Variants in FHIP2A observed in about 807,000 individuals in gnomAD.
FHIP2A encodes the protein family with sequence similarity 160 member B1.
Under a neutral mutation model 93.5 loss-of-function variants are expected in FHIP2A, and 46 were observed. The observed-to-expected ratio is 0.49, with a 90% CI of 0.39 to 0.63. The LOEUF (loss-of-function observed/expected upper bound fraction) is 0.63, where lower values mean the gene tolerates loss of function less well. Ranked by LOEUF, FHIP2A falls within the 20% of genes least tolerant of loss-of-function variation. The probability of loss-of-function intolerance (pLI) is 0.00; values close to 1 mark genes in which losing one functional copy is unlikely to be tolerated. For missense variants in FHIP2A, 769 were observed against 909.7 expected (o/e 0.85, Z 1.99); for synonymous variants, 332 against 326.5 (o/e 1.02, Z -0.18).
chr10:114,842,256 G>T (rs952447862), intron 5 of FHIP2A, among the ~76,000 whole-genome samples: 1 of 152,002 alleles, frequency 6.6e-6, no homozygotes, highest in African/African-American at 2.4e-5. Flanking sequence ...GTAGAGACAT[G>T]ATCTCACTAT....
Position 114,830,856 on chromosome 10 carries a change from C to T in FHIP2A, c.50C>T (p.Ala17Val), listed in dbSNP as rs773516046. The T allele has an allele frequency of 6.2e-7, 1 of 1,605,728 alleles. No individual in the cohort carries two copies. Among genetic ancestry groups the T allele is most frequent in the East Asian group, 2.2e-5 (1 of 44,622 alleles). The part of the protein sequence containing the change: ...SILQHAVEAL[A>V]PSLPLQEDFV... Reference sequence around the variant, plus strand: ...TGTGGTCTTTTGTTTGTGTAGCTTGCACCTTCTCTTCCTTTACAAGAAGAT... The same window carrying T: ...TGTGGTCTTTTGTTTGTGTAGCTTGTACCTTCTCTTCCTTTACAAGAAGAT... Residue 17 changes from alanine to valine, a missense_variant, in exon 2 of 17, where the codon GCA becomes GTA. Ala to Val is a moderately conservative substitution (Grantham distance 64). Coordinates refer to ENST00000369248, the MANE Select transcript of FHIP2A (RefSeq NM_020940.4).
rs2083699006 is a variant in FHIP2A at position 114,846,074 on chromosome 10, C to T, written c.1190C>T (p.Pro397Leu). The T allele has an allele frequency of 1.2e-6, 2 of 1,613,628 alleles. No individual in the cohort carries two copies. Among genetic ancestry groups the T allele is most frequent in the African/African-American group, 2.7e-5 (2 of 74,818 alleles). The change falls in exon 9 of 17, where the codon CCT (proline) becomes CTT (leucine). Residue 397 changes from proline (P) to leucine (L), a missense_variant. Coordinates refer to ENST00000369248, the MANE Select transcript of FHIP2A (RefSeq NM_020940.4). Reference sequence around the variant, plus strand: ...AGATTTTTCATTGGTGTTATGGAACCTCAATTAATGCAAACGTGAGTAGCC... The same window carrying T: ...AGATTTTTCATTGGTGTTATGGAACTTCAATTAATGCAAACGTGAGTAGCC... ...HERFFIGVMEPQLMQTSEMGI... is the reference protein window; with the variant it reads ...HERFFIGVMELQLMQTSEMGI...
chr10:114,865,807 C>CAAA (rs59793424), downstream of FHIP2A, among the ~76,000 whole-genome samples: 6 of 141,512 alleles, frequency 4.2e-5, no homozygotes, highest in African/African-American at 1.3e-4. Context: ...TACCTCTTTT[C>CAAA]AAAAAAAAAA....
At chr10:114,849,454 G>A (rs975636188) in intron 13 of FHIP2A, among the ~76,000 whole-genome samples, 3 of 152,108 alleles carry the variant, frequency 2.0e-5, no homozygotes, top group East Asian at 1.9e-4. Context: ...CTTCAGCCCC[G>A]GAATTTCACC....
chr10:114,875,710 A>AAC, intron 16 of FHIP2A, among the ~76,000 whole-genome samples: 2 of 149,708 alleles, frequency 1.3e-5, no homozygotes, highest in African/African-American at 5.1e-5. Flanking sequence ...AAAAGAAAGA[A>AAC]AGAGAGAGAA....
intron 16 of FHIP2A, among the ~76,000 whole-genome samples, chr10:114,891,535 A>ATGTGTGTG (rs1342933567): frequency 6.3e-5 from 8 of 126,438 alleles, no homozygotes; most frequent in African/African-American, 2.4e-4. Context: ...ATATATATAT[A>ATGTGTGTG]TATGTGTGTG....
In FHIP2A at chr10:114,864,233, G is replaced by C; in HGVS notation, c.*2693G>C. The stretch of plus-strand genomic sequence containing the variant: ...TATGGAATTACTTCATAAATTCATG[G>C]TAATGTTTTCATAAATTATTGCATT... On this transcript the variant is annotated 3_prime_UTR_variant, in exon 17 of 17. Coordinates refer to ENST00000369248, the MANE Select transcript of FHIP2A (RefSeq NM_020940.4). 6.1e-6 allele frequency: 6 copies of C among 983,660 alleles called. No homozygotes were observed. Among genetic ancestry groups the C allele is most frequent in the Non-Finnish European group, 7.2e-6 (6 of 828,024 alleles). 60.9% of individuals were successfully genotyped at this position (983,660 alleles called of 1,614,324 possible).
In FHIP2A at chr10:114,862,209, C is replaced by A; in HGVS notation, c.*669C>A. ...TTCTTTTACTCTTTTGTGCACATAG[C>A]CATGTTAGTGATTTTCTTCATGTGT... On this transcript the variant is annotated 3_prime_UTR_variant, in exon 17 of 17. Transcript: ENST00000369248. 1 of 968,222 alleles carries A rather than the reference C, an allele frequency of 1.0e-6. No homozygotes were observed. Among genetic ancestry groups the A allele is most frequent in the Non-Finnish European group, 1.2e-6 (1 of 814,128 alleles). 60.0% of individuals were successfully genotyped at this position (968,222 alleles called of 1,614,324 possible).
chr10:114,845,959 A>T, intron 8 of FHIP2A, 54 bp from the exon 9 acceptor site: 1 of 1,361,664 alleles, frequency 7.3e-7, no homozygotes, highest in South Asian at 1.3e-5. Context: ...TGATGTTACA[A>T]ATTAGTCTTT....
Position 114,860,883 on chromosome 10 carries a change from T to C in FHIP2A, c.2082T>C (p.Ile694=), listed in dbSNP as rs765333306. 7.4e-6 allele frequency: 12 copies of C among 1,613,530 alleles called. No individual in the cohort carries two copies. In the Admixed American group the frequency reaches 1.8e-4, roughly 25 times the overall value. The change falls in exon 15 of 17, where the codon ATT becomes ATC. Residue 694 remains isoleucine, a synonymous_variant. Coordinates refer to ENST00000369248, the MANE Select transcript of FHIP2A (RefSeq NM_020940.4). ...APGCRSLFSV[I]VRVVGDLMLR... is the part of the protein sequence containing the mutation. ...GCTGTAGATCTCTCTTCTCTGTAAT[T>C]GTCAGGGTGAGTTACTAGTTCTGTT...
At chr10:114,870,489 C>T (rs1213906251) in intron 16 of FHIP2A, among the ~76,000 whole-genome samples, 4 of 152,142 alleles carry the variant, frequency 2.6e-5, no homozygotes, top group African/African-American at 9.7e-5. Context: ...AAGGCAGGCT[C>T]TACTCTCTTG....
chr10:114,897,923 T>C (rs746018929), intron 16 of FHIP2A, among the ~76,000 whole-genome samples: 7 of 152,238 alleles, frequency 4.6e-5, no homozygotes, highest in Non-Finnish European at 7.4e-5. Flanking sequence ...CAAAAATTCA[T>C]TGGGACTGTG....
chr10:114,853,219 AT>A (rs1566375007), intron 13 of FHIP2A, among the ~76,000 whole-genome samples: 1 of 152,244 alleles, frequency 6.6e-6, no homozygotes, highest in Non-Finnish European at 1.5e-5. Context: ...ATCAGTAACT[AT>A]TTAGTATTTG....
intron 16 of FHIP2A, among the ~76,000 whole-genome samples, chr10:114,888,024 C>G (rs1392254584): frequency 6.6e-6 from 1 of 152,154 alleles, no homozygotes; most frequent in Non-Finnish European, 1.5e-5. Flanking sequence ...AGTATTCATT[C>G]CCCAGCCCCA....
At chr10:114,882,085 A>G (rs2083919879) in intron 16 of FHIP2A, among the ~76,000 whole-genome samples, 2 of 152,242 alleles carry the variant, frequency 1.3e-5, no homozygotes, top group South Asian at 4.1e-4. Flanking sequence ...GACCTGAATC[A>G]GCACTGTGCC....
chr10:114,861,389 C>G (rs371713820), intron 16 of FHIP2A, 46 bp from the exon 17 acceptor site: 1 of 1,613,618 alleles, frequency 6.2e-7, no homozygotes, highest in South Asian at 1.1e-5. Flanking sequence ...ACTTAATGAT[C>G]GGCTGCTATC....
At chr10:114,831,229 A>G (rs925159967) in intron 2 of FHIP2A, among the ~76,000 whole-genome samples, 1 of 152,180 alleles carries the variant, frequency 6.6e-6, no homozygotes, top group Non-Finnish European at 1.5e-5. Context: ...ATATAGACAA[A>G]TATGTATAGT....
intron 1 of FHIP2A, among the ~76,000 whole-genome samples, chr10:114,829,348 G>A (rs1218732226): frequency 1.3e-5 from 2 of 152,094 alleles, no homozygotes; most frequent in African/African-American, 4.8e-5. Flanking sequence ...GGGGAAAGGG[G>A]TGGGCCATTC....
At chr10:114,842,876 A>G in intron 5 of FHIP2A, 57 bp from the exon 6 acceptor site, 1 of 1,180,630 alleles carries the variant, frequency 8.5e-7, no homozygotes. Context: ...TTAAAATATT[A>G]TTTTTGGCTT....
Sources: allele counts gnomAD v4.1 joint callset (sites outside exome capture counted in the v4.1 genomes callset), GRCh38; gene constraint gnomAD v4.1.1; transcripts MANE v1.5; gene names NCBI Gene and HGNC (gene_info 2026-07-23, HGNC 2026-07-21).